DSCAML1: variants seen among roughly 807,000 people sequenced by gnomAD.
The protein encoded by DSCAML1 is cell adhesion molecule DSCAML1.
Under a neutral mutation model 200.5 loss-of-function variants are expected in DSCAML1, and 38 were observed. The observed-to-expected ratio is 0.19, with a 90% confidence interval of 0.15 to 0.25. DSCAML1 has a LOEUF of 0.25. Ranked by LOEUF, DSCAML1 falls within the 10% of genes least tolerant of loss-of-function variation. The pLI, the probability that DSCAML1 is intolerant of heterozygous loss-of-function variation, is 1.00. For missense variants in DSCAML1, 2,223 were observed against 2,858.8 expected, an observed-to-expected ratio of 0.78 and a Z score of 5.07; for synonymous variants, 1,215 against 1,165.0, an observed-to-expected ratio of 1.04 and a Z score of -0.87.
intron 3 of DSCAML1, among the ~76,000 whole-genome samples, chr11:117,737,738 A>C (rs2054344757): frequency 6.6e-6 from 1 of 152,220 alleles, no homozygotes; most frequent in Admixed American, 6.5e-5. Context: ...GGAAGCCTTC[A>C]CTGAGGAGAT....
intron 5 of DSCAML1, among the ~76,000 whole-genome samples, chr11:117,523,383 G>A (rs186788517): frequency 1.9e-4 from 29 of 152,296 alleles, no homozygotes; most frequent in African/African-American, 6.5e-4. Flanking sequence ...GAAGGGAGGT[G>A]CCAATCCTGA....
At chr11:117,458,627 A>T in intron 19 of DSCAML1, 127 bp downstream of exon 19, 1 of 1,226,398 alleles carries the variant, frequency 8.2e-7, no homozygotes, top group Non-Finnish European at 1.1e-6. Context: ...CCTCAAGGCT[A>T]CTCTCCCACA....
chr11:117,442,638 T>C (rs956949614), intron 21 of DSCAML1, among the ~76,000 whole-genome samples: 11 of 152,150 alleles, frequency 7.2e-5, no homozygotes, highest in Non-Finnish European at 1.3e-4. Context: ...ACCGTGTTTA[T>C]TTAATGCCCC....
chr11:117,697,792 G>A (rs56196805), intron 3 of DSCAML1, among the ~76,000 whole-genome samples: 1 of 138,278 alleles, frequency 7.2e-6, no homozygotes, highest in Non-Finnish European at 1.5e-5. Context: ...TTTTTTTTTA[G>A]ACGGAGTCTC....
Position 117,700,156 on chromosome 11 carries a change from G to C in DSCAML1, c.511+76635C>G, listed in dbSNP as rs1327369000. On this transcript the variant is annotated intron_variant, in intron 3 of 32. Transcript: ENST00000651296. ...ATTCACGGGGCCTTGGATGGTGCCT[G>C]GCGACTGCCCAGTAGATGTTTGAAG... Among the ~76,000 whole-genome samples the C allele has an allele frequency of 5.9e-5, 9 of 152,322 alleles. No individual in the cohort carries two copies. In the East Asian group the frequency reaches 1.7e-3, roughly 29 times the overall value.
chr11:117,756,718 A>T (rs1445280249), intron 3 of DSCAML1, among the ~76,000 whole-genome samples: 1 of 152,084 alleles, frequency 6.6e-6, no homozygotes, highest in African/African-American at 2.4e-5. Context: ...ACCGAGAGGT[A>T]GCTGGTGAAA....
chr11:117,518,850 A>C lies in DSCAML1; in HGVS notation c.1214-88T>G. On this transcript the variant is annotated intron_variant, in intron 6 of 32. Transcript: ENST00000651296. This position sits in a 1 kb window ranked among gnomAD's most constrained non-coding sequence, Gnocchi z 6.3. ...ACCCCACCTCAGCAGGGGAGGAGGC[A>C]AAAAGCAGCCATAAGAGCAAACAAG... 7.0e-7 allele frequency: 1 copy of C among 1,423,752 alleles called. No individual in the cohort carries two copies. Among genetic ancestry groups the C allele is most frequent in the South Asian group, 1.4e-5 (1 of 71,176 alleles). 88.2% of individuals were successfully genotyped at this position (1,423,752 alleles called of 1,614,324 possible).
intron 11 of DSCAML1, among the ~76,000 whole-genome samples, chr11:117,501,292 C>A (rs1286914123): frequency 6.6e-6 from 1 of 152,168 alleles, no homozygotes; most frequent in Non-Finnish European, 1.5e-5. Flanking sequence ...GGAGGCAGAA[C>A]AAATATTCCA....
intron 3 of DSCAML1, among the ~76,000 whole-genome samples, chr11:117,598,632 CAT>C (rs1177623003): frequency 6.6e-6 from 1 of 152,192 alleles, no homozygotes; most frequent in Non-Finnish European, 1.5e-5. Flanking sequence ...ATTCCCCAAA[CAT>C]AAAGTCCAAA....
At chr11:117,530,645 C>T (rs1466773837) in intron 4 of DSCAML1, among the ~76,000 whole-genome samples, 2 of 152,176 alleles carry the variant, frequency 1.3e-5, no homozygotes, top group East Asian at 3.9e-4. Flanking sequence ...TTGTTGCCCT[C>T]CCAGCTCCTG....
intron 3 of DSCAML1, among the ~76,000 whole-genome samples, chr11:117,705,652 C>A (rs190117539): frequency 3.3e-4 from 50 of 152,292 alleles, no homozygotes; most frequent in Non-Finnish European, 4.7e-4. Flanking sequence ...TCCTGTCTAA[C>A]GTCTTGCCTC....
At chr11:117,718,674 C>CCG (rs1555201949) in intron 3 of DSCAML1, among the ~76,000 whole-genome samples, 1 of 65,944 alleles carries the variant, frequency 1.5e-5, no homozygotes, top group Non-Finnish European at 3.5e-5. Flanking sequence ...CAAAACCCCC[C>CCG]CCCCCCCCCA....
At chr11:117,687,946 CT>C (rs887044826) in intron 3 of DSCAML1, among the ~76,000 whole-genome samples, 1 of 152,192 alleles carries the variant, frequency 6.6e-6, no homozygotes, top group African/African-American at 2.4e-5. Flanking sequence ...ACAAGGATGT[CT>C]ATGGGGAGTC....
chr11:117,439,865 T>G lies in DSCAML1; in HGVS notation c.3934A>C (p.Asn1312His), dbSNP rs2048007675. The G allele has an allele frequency of 6.2e-7, 1 of 1,614,060 alleles. No individual in the cohort carries two copies. Among genetic ancestry groups the G allele is most frequent in the Admixed American group, 1.7e-5 (1 of 60,004 alleles). ...PWMKDVRLPC[N>H]SVGDPAPAVK... ...GCAGGGGCTGGATCTCCCACTGAAT[T>G]GCAAGGCAGCCGAACATCTTTCATC... Residue 1312 changes from asparagine (N) to histidine (H), a missense_variant, in exon 22 of 33, where the codon AAT (asparagine) becomes CAT (histidine). By Grantham distance (68) the Asn-to-His change is moderately conservative. This residue lies in a region of DSCAML1 where 614 missense variants were observed against 739.1 expected (regional missense o/e 0.83). Coordinates refer to ENST00000651296, the MANE Select transcript of DSCAML1 (RefSeq NM_020693.4).
intron 3 of DSCAML1, among the ~76,000 whole-genome samples, chr11:117,560,358 C>T (rs183732762): frequency 2.0e-5 from 3 of 152,274 alleles, no homozygotes; most frequent in East Asian, 3.9e-4. Flanking sequence ...CCAGAAACAG[C>T]CCTGTAGCCA....
At chr11:117,565,474 A>AC (rs2050740807) in intron 3 of DSCAML1, among the ~76,000 whole-genome samples, 1 of 152,214 alleles carries the variant, frequency 6.6e-6, no homozygotes, top group Admixed American at 6.5e-5. Context: ...CTGACGTGGC[A>AC]TTGATACACA....
intron 3 of DSCAML1, among the ~76,000 whole-genome samples, chr11:117,735,777 G>T (rs1036003883): frequency 6.6e-6 from 1 of 152,194 alleles, no homozygotes; most frequent in Admixed American, 6.5e-5. Context: ...TCACGACCAG[G>T]AGACAGCAGC....
chr11:117,803,950 G>A (rs550419798), intron 1 of DSCAML1, among the ~76,000 whole-genome samples: 210 of 152,336 alleles, frequency 1.4e-3, no homozygotes, highest in African/African-American at 4.9e-3. Context: ...ACAACTTGGT[G>A]CTGCCGTAAC....
chr11:117,719,215 G>A (rs546567280), intron 3 of DSCAML1, among the ~76,000 whole-genome samples: 3 of 152,204 alleles, frequency 2.0e-5, no homozygotes, highest in Admixed American at 1.3e-4. Flanking sequence ...CAGGCGGATC[G>A]CTGGAGGTCA....
Sources: gnomAD v4.1 joint callset for allele counts (sites outside exome capture counted in the v4.1 genomes callset) on GRCh38, gnomAD v4.1.1 for gene constraint, gnomAD v4.1.1 regional missense constraint, Gnocchi (gnomAD v3.1) non-coding constraint, MANE v1.5 for transcripts, NCBI Gene and HGNC (gene_info 2026-07-23, HGNC 2026-07-21) for gene names.